PDZD2: variants seen among roughly 807,000 people sequenced by gnomAD.
The protein encoded by PDZD2 is PDZ domain containing 2.
Under a neutral mutation model 220.7 loss-of-function variants are expected in PDZD2, and 90 were observed. The ratio of observed to expected loss-of-function variants is 0.41; its 90% CI spans 0.34 to 0.49. The LOEUF (loss-of-function observed/expected upper bound fraction) is 0.49, where lower values mean the gene tolerates loss of function less well. Ranked by LOEUF, PDZD2 falls within the 20% of genes least tolerant of loss-of-function variation. PDZD2 has a pLI of 0.28. For synonymous variants in PDZD2, 1,375 were observed against 1,450.5 expected, an observed-to-expected ratio of 0.95 and a Z score of 1.18; for missense variants, 3,174 against 3,608.5, an observed-to-expected ratio of 0.88 and a Z score of 3.08.
At chr5:31,785,897 G>A (rs1005719274) in intron 1 of PDZD2, among the ~76,000 whole-genome samples, 4 of 151,838 alleles carry the variant, frequency 2.6e-5, no homozygotes, top group African/African-American at 9.7e-5. Flanking sequence ...TCTTACAGTC[G>A]CTCCACATCA....
rs770399711 is a variant in PDZD2 at position 32,088,027 on chromosome 5, T to C, written c.4579T>C (p.Phe1527Leu). The C allele has an allele frequency of 1.9e-6, 3 of 1,614,120 alleles. No homozygotes were observed. The highest frequency in any genetic ancestry group is 2.5e-6 in the Non-Finnish European group (3 of 1,180,008). Residue 1527 changes from phenylalanine (F) to leucine (L), a missense_variant, in exon 20 of 25, where the codon TTT becomes CTT. Physicochemically the swap from Phe to Leu is conservative, Grantham distance 22. Coordinates refer to ENST00000438447, the MANE Select transcript of PDZD2 (RefSeq NM_178140.4). The surrounding 1 kb of genome is among the most constrained non-coding windows in gnomAD (Gnocchi z 4.6). Reference protein sequence around the residue: ...KNFLSNYSRNFSSFHEDSTSL... With the variant: ...KNFLSNYSRNLSSFHEDSTSL... ...CTTTCTGAGCAACTACTCTAGAAATTTTAGCAGTTTTCATGAAGACAGCAC... is the reference window on the plus strand; with the variant it reads ...CTTTCTGAGCAACTACTCTAGAAATCTTAGCAGTTTTCATGAAGACAGCAC...
chr5:31,938,402 G>T (rs530454283), intron 2 of PDZD2, among the ~76,000 whole-genome samples: 3 of 152,306 alleles, frequency 2.0e-5, no homozygotes, highest in Non-Finnish European at 4.4e-5. Flanking sequence ...AAGCTTTTCT[G>T]CAGGGTCCCA....
intron 19 of PDZD2, among the ~76,000 whole-genome samples, chr5:32,084,592 G>A (rs1056277492): frequency 6.6e-6 from 1 of 152,322 alleles, no homozygotes; most frequent in Admixed American, 6.5e-5. Flanking sequence ...GATTTTATGT[G>A]AGAGCTGTGG....
chr5:31,890,263 G>A (rs1187350256), intron 2 of PDZD2, among the ~76,000 whole-genome samples: 3 of 151,680 alleles, frequency 2.0e-5, no homozygotes, highest in Non-Finnish European at 2.9e-5. Context: ...CACTAGCCAC[G>A]TGTGAAATGT....
intron 1 of PDZD2, among the ~76,000 whole-genome samples, chr5:31,764,625 C>T (rs1321502733): frequency 6.6e-6 from 1 of 152,174 alleles, no homozygotes; most frequent in Non-Finnish European, 1.5e-5. Flanking sequence ...AAAAAGTTTT[C>T]CCATGTCAGT....
intron 1 of PDZD2, among the ~76,000 whole-genome samples, chr5:31,774,135 G>A (rs1049755133): frequency 6.6e-6 from 1 of 152,104 alleles, no homozygotes; most frequent in African/African-American, 2.4e-5. Flanking sequence ...CCTGGTGTGG[G>A]CTGAGCTGGG....
At chr5:31,863,759 A>T (rs559673581) in intron 2 of PDZD2, among the ~76,000 whole-genome samples, 1 of 152,214 alleles carries the variant, frequency 6.6e-6, no homozygotes, top group Admixed American at 6.5e-5. Flanking sequence ...CATTCCGTGG[A>T]AGTTTACACA....
chr5:32,103,859 C>T (rs1744487942), intron 24 of PDZD2: 1 of 152,340 alleles, frequency 6.6e-6, no homozygotes, highest in Admixed American at 6.5e-5. Context: ...AGATGACATC[C>T]TTCAGATCTG....
At chr5:31,935,675 C>G (rs1324427646) in intron 2 of PDZD2, among the ~76,000 whole-genome samples, 2 of 152,182 alleles carry the variant, frequency 1.3e-5, no homozygotes, top group Non-Finnish European at 2.9e-5. Context: ...AAGTGCAAGA[C>G]AGATTAAATG....
At chr5:32,091,432 G>T (rs1188983099) in intron 20 of PDZD2, among the ~76,000 whole-genome samples, 2 of 151,688 alleles carry the variant, frequency 1.3e-5, no homozygotes, top group African/African-American at 4.8e-5. Context: ...TTACAGGCGT[G>T]CACCACCACA....
intron 2 of PDZD2, among the ~76,000 whole-genome samples, chr5:31,931,076 A>G (rs1745240689): frequency 6.6e-6 from 1 of 152,130 alleles, no homozygotes; most frequent in Non-Finnish European, 1.5e-5. Context: ...AGGCTGGGGT[A>G]TAGTGGCGCG....
At chr5:32,003,833 T>C (rs1056571821) in intron 5 of PDZD2, among the ~76,000 whole-genome samples, 1 of 152,200 alleles carries the variant, frequency 6.6e-6, no homozygotes, top group Non-Finnish European at 1.5e-5. Context: ...TGCCTCAGCC[T>C]CCCAAGTAGC....
intron 24 of PDZD2, among the ~76,000 whole-genome samples, chr5:32,103,195 A>T (rs1744423869): frequency 6.6e-6 from 1 of 152,218 alleles, no homozygotes; most frequent in Non-Finnish European, 1.5e-5. Flanking sequence ...GACTATGCAG[A>T]CTGAAAAACT....
intron 1 of PDZD2, chr5:31,657,351 G>T (rs1745591618): frequency 6.6e-6 from 1 of 152,302 alleles, no homozygotes; most frequent in African/African-American, 2.4e-5. Context: ...TGGCGGACAG[G>T]TGTTCATCCA....
chr5:31,794,381 G>GTTTC (rs1200183048), intron 1 of PDZD2, among the ~76,000 whole-genome samples: 11 of 146,082 alleles, frequency 7.5e-5, no homozygotes, highest in African/African-American at 2.5e-4. Flanking sequence ...ATCATAGTTG[G>GTTTC]TTTCTTTCTT....
chr5:31,876,276 T>G (rs1210058939), intron 2 of PDZD2, among the ~76,000 whole-genome samples: 6 of 148,440 alleles, frequency 4.0e-5, no homozygotes, highest in Non-Finnish European at 1.5e-5. Flanking sequence ...TGCGCTTGAT[T>G]TTTGAATTTG....
chr5:32,107,684 T>C (rs1744918583), intron 24 of PDZD2, among the ~76,000 whole-genome samples: 1 of 152,268 alleles, frequency 6.6e-6, no homozygotes, highest in Admixed American at 6.5e-5. Context: ...AGTCTGGATG[T>C]TAACCATTTG....
At position 31,818,547 on chromosome 5, in the gene PDZD2, G is replaced by C. The variant is rs532118983; in HGVS notation, c.476+18823G>C. Among the ~76,000 whole-genome samples, 385 of 152,200 alleles carry C rather than the reference G, an allele frequency of 2.5e-3. 1 individual carries two copies. The highest frequency in any genetic ancestry group is 0.016 in the South Asian group (75 of 4,808). On this transcript the variant is annotated intron_variant, in intron 2 of 24. Coordinates refer to ENST00000438447, the MANE Select transcript of PDZD2 (RefSeq NM_178140.4). ...CTTGAGTTCCCAAGGAGAGGAGTCAGTGTGTCCTGGCCAGCTACCCTACCA... is the reference window on the plus strand; with the variant it reads ...CTTGAGTTCCCAAGGAGAGGAGTCACTGTGTCCTGGCCAGCTACCCTACCA...
intron 1 of PDZD2, among the ~76,000 whole-genome samples, chr5:31,667,725 C>A (rs1398556625): frequency 6.6e-6 from 1 of 152,096 alleles, no homozygotes; most frequent in East Asian, 1.9e-4. Context: ...CAGCTCACTC[C>A]TGAAGGCGTA....
Sources: gnomAD v4.1 joint callset for allele counts (sites outside exome capture counted in the v4.1 genomes callset) on GRCh38, gnomAD v4.1.1 for gene constraint, Gnocchi (gnomAD v3.1) non-coding constraint, MANE v1.5 for transcripts, NCBI Gene and HGNC (gene_info 2026-07-23, HGNC 2026-07-21) for gene names.